The following CCDC93 variants were observed in gnomAD, a reference collection of about 807,000 sequenced individuals.
The protein encoded by CCDC93 is coiled-coil domain-containing protein 93.
Under a neutral mutation model 108.2 loss-of-function variants are expected in CCDC93, and 61 were observed. That is an observed-to-expected ratio of 0.56 (90% CI 0.46 to 0.70). The LOEUF is 0.70. Ranked by LOEUF, CCDC93 falls within the 30% of genes least tolerant of loss-of-function variation. The pLI, the probability that CCDC93 is intolerant of heterozygous loss-of-function variation, is 0.00. For missense variants in CCDC93, 685 were observed against 764.2 expected (o/e 0.90, Z 1.22); for synonymous variants, 276 against 260.4 (o/e 1.06, Z -0.58).
intron 22 of CCDC93, among the ~76,000 whole-genome samples, chr2:117,933,719 TA>T (rs1269605504): frequency 2.0e-5 from 3 of 149,074 alleles, no homozygotes; most frequent in African/African-American, 7.3e-5. Context: ...TTTTTTTTTT[TA>T]AACAAACACA....
At chr2:117,977,096 C>T (rs1415950848) in intron 8 of CCDC93, among the ~76,000 whole-genome samples, 4 of 151,850 alleles carry the variant, frequency 2.6e-5, no homozygotes, top group African/African-American at 4.8e-5. Flanking sequence ...CCACCACTCC[C>T]GGAGAATGTT....
chr2:117,973,182 C>T lies in CCDC93; in HGVS notation c.888+726G>A, dbSNP rs565447555. Among the ~76,000 whole-genome samples the T allele has an allele frequency of 3.3e-5, 5 of 152,220 alleles. No homozygotes were observed. The South Asian group carries it at 8.3e-4, about 25-fold the overall frequency. ...AAGAATATGTCACAGAGAGTCAGGG[C>T]AGAGCTAATTTGTAGTAAAAGATTC... is the stretch of plus-strand genomic sequence containing the variant. On this transcript the variant is annotated intron_variant, in intron 11 of 23. Transcript: ENST00000376300.
At chr2:117,953,090 G>A (rs1457781724) in intron 12 of CCDC93, among the ~76,000 whole-genome samples, 1 of 152,134 alleles carries the variant, frequency 6.6e-6, no homozygotes, top group Non-Finnish European at 1.5e-5. Flanking sequence ...TCCTTTAAAT[G>A]CTCAAAAGGA....
In CCDC93 at chr2:117,920,388, G is replaced by A. The variant is rs757680632; in HGVS notation, c.1851C>T (p.Arg617=). ...KTVKEFKEEG[R]KNEMLLSKVK... The stretch of plus-strand genomic sequence containing the variant: ...CCTTGGACAGCAGCATCTCGTTCTT[G>A]CGGCCCTCCTGGAGGGAAAGCAGAG... The change falls in exon 24 of 24, where the codon CGC becomes CGT. Residue 617 remains arginine, a synonymous_variant. Coordinates refer to ENST00000376300, the MANE Select transcript of CCDC93 (RefSeq NM_019044.5). 1 of 1,612,552 alleles carries A rather than the reference G, an allele frequency of 6.2e-7. No individual in the cohort carries two copies. The highest frequency in any genetic ancestry group is 1.1e-5 in the South Asian group (1 of 90,896).
chr2:117,939,117 A>C lies in CCDC93; in HGVS notation c.1523-6T>G. On this transcript the variant is annotated splice_polypyrimidine_tract_variant and splice_region_variant and intron_variant, in intron 19 of 23. Coordinates refer to ENST00000376300, the MANE Select transcript of CCDC93 (RefSeq NM_019044.5). The stretch of plus-strand genomic sequence containing the variant: ...TTCTTTGTGCACTGCTGAAACTGTA[A>C]AAGTAAAGAAATCAGCACACGAATA... 1 of 1,572,422 alleles carries C rather than the reference A, an allele frequency of 6.4e-7. No individual in the cohort carries two copies. Among genetic ancestry groups the C allele is most frequent in the Non-Finnish European group, 8.7e-7 (1 of 1,143,194 alleles).
chr2:117,973,524 G>T (rs571095053), intron 11 of CCDC93, among the ~76,000 whole-genome samples: 1 of 151,976 alleles, frequency 6.6e-6, no homozygotes, highest in South Asian at 2.1e-4. Flanking sequence ...GCTGAGTTAT[G>T]GGGTTTATCT....
At chr2:117,959,287 G>C (rs1679315377) in intron 11 of CCDC93, among the ~76,000 whole-genome samples, 1 of 152,184 alleles carries the variant, frequency 6.6e-6, no homozygotes, top group Non-Finnish European at 1.5e-5. Flanking sequence ...TTAAAAGGTA[G>C]ACCGTTTTGC....
chr2:117,993,289 G>A (rs13024267), intron 6 of CCDC93, among the ~76,000 whole-genome samples: 61,270 of 151,528 alleles, frequency 0.4, 12,895 homozygotes, highest in Middle Eastern at 0.53. Context: ...CCAGCTACTC[G>A]GGAGGCTGAG....
At chr2:117,995,119 T>C (rs1268580304) in intron 6 of CCDC93, among the ~76,000 whole-genome samples, 2 of 152,162 alleles carry the variant, frequency 1.3e-5, no homozygotes, top group African/African-American at 4.8e-5. Flanking sequence ...CAAGTTATCA[T>C]CCCCATTCAT....
chr2:117,974,211 GCTAAATCC>G (rs1679857894), intron 10 of CCDC93, among the ~76,000 whole-genome samples: 1 of 152,124 alleles, frequency 6.6e-6, no homozygotes, highest in African/African-American at 2.4e-5. Flanking sequence ...AGCGGATGGT[GCTAAATCC>G]TCCTCGGACC....
At chr2:117,949,674 T>G (rs1455252444) in intron 13 of CCDC93, 6 of 804,830 alleles carry the variant, frequency 7.5e-6, no homozygotes, top group Non-Finnish European at 7.5e-6. Context: ...TTGAATTTTG[T>G]ACGATGTGAA....
chr2:117,936,628 G>T, intron 21 of CCDC93, 74 bp downstream of exon 21: 1 of 1,130,288 alleles, frequency 8.8e-7, no homozygotes, highest in Non-Finnish European at 1.4e-6. Context: ...GCACATTATA[G>T]CAATGTGAGG....
At chr2:117,979,852 C>T (rs1350777952) in intron 7 of CCDC93, among the ~76,000 whole-genome samples, 3 of 152,188 alleles carry the variant, frequency 2.0e-5, no homozygotes, top group Non-Finnish European at 2.9e-5. Flanking sequence ...ATTTTCCATA[C>T]TCCCTTGCAC....
intron 23 of CCDC93, among the ~76,000 whole-genome samples, chr2:117,928,448 A>G (rs1407669422): frequency 6.6e-6 from 1 of 152,252 alleles, no homozygotes; most frequent in Admixed American, 6.5e-5. Flanking sequence ...AAGGGGGCAA[A>G]GGACATGAAC....
intron 12 of CCDC93, among the ~76,000 whole-genome samples, chr2:117,955,468 G>A (rs1038654342): frequency 2.6e-5 from 4 of 152,068 alleles, no homozygotes; most frequent in Non-Finnish European, 2.9e-5. Flanking sequence ...AATCAAAAAC[G>A]CATTTTTTGA....
At chr2:117,941,343 C>T in intron 18 of CCDC93, 46 bp from the exon 19 acceptor site, 1 of 1,497,918 alleles carries the variant, frequency 6.7e-7, no homozygotes, top group Non-Finnish European at 9.3e-7. Context: ...GGTAAAAGGC[C>T]TTACATGTTC....
rs779200179 is a variant in CCDC93, at chr2:118,000,810, G to A, written c.363+11C>T. On this transcript the variant is annotated intron_variant, in intron 4 of 23. Transcript: ENST00000376300. ...TGTTAAGAGGACAAGAAACCACACAGAGGCTCTCACCTGAACAACAGGAAA... is the reference window on the plus strand; with the variant it reads ...TGTTAAGAGGACAAGAAACCACACAAAGGCTCTCACCTGAACAACAGGAAA... 1 of 1,559,892 alleles carries A rather than the reference G, an allele frequency of 6.4e-7. No homozygotes were observed. The highest frequency in any genetic ancestry group is 8.8e-7 in the Non-Finnish European group (1 of 1,130,998).
Position 117,920,077 on chromosome 2 carries a change from A to C in CCDC93, c.*266T>G, listed in dbSNP as rs1351763493. ...TAAGCGCAATGTTACTGGAGACATA[A>C]AAGTTGAATCAACAGAGAACAAGTA... On this transcript the variant is annotated 3_prime_UTR_variant, in exon 24 of 24. Coordinates refer to ENST00000376300, the MANE Select transcript of CCDC93 (RefSeq NM_019044.5). 2.9e-6 allele frequency: 1 copy of C among 341,352 alleles called. No homozygotes were observed. The allele number at this position is 341,352 out of a possible 1,614,324, so 21.1% of individuals were successfully genotyped here.
chr2:117,950,695 A>G, intron 13 of CCDC93: 3 of 985,444 alleles, frequency 3.0e-6, no homozygotes, highest in Non-Finnish European at 3.6e-6. Flanking sequence ...CCAGAGGTGA[A>G]AAACATTAAT....
Sources: allele counts gnomAD v4.1 joint callset (sites outside exome capture counted in the v4.1 genomes callset), GRCh38; gene constraint gnomAD v4.1.1; transcripts MANE v1.5; gene names NCBI Gene and HGNC (gene_info 2026-07-23, HGNC 2026-07-21).